The following PLD5 variants were observed in gnomAD, a reference collection of about 807,000 sequenced individuals.
PLD5 encodes the protein inactive phospholipase D5.
A neutral mutation model predicts 61.1 loss-of-function variants in PLD5; 36 were observed. That is an observed-to-expected ratio of 0.59 (90% CI 0.45 to 0.78). The LOEUF (loss-of-function observed/expected upper bound fraction) is 0.78. Ranked by LOEUF, PLD5 falls within the 30% of genes least tolerant of loss-of-function variation. The pLI is 0.00. For missense variants in PLD5, 515 were observed against 644.4 expected, an observed-to-expected ratio of 0.80 and a Z score of 2.17; for synonymous variants, 243 against 242.8, an observed-to-expected ratio of 1.00 and a Z score of -0.01.
Position 242,256,797 on chromosome 1 carries a change from T to TCTATC in PLD5, c.607+8539_607+8540insGATAG, listed in dbSNP as rs770964882. Among the ~76,000 whole-genome samples the TCTATC allele has an allele frequency of 1.7e-4, 26 of 151,008 alleles. No individual in the cohort carries two copies. Among genetic ancestry groups the TCTATC allele is most frequent in the South Asian group, 8.4e-4 (4 of 4,754 alleles). On this transcript the variant is annotated intron_variant, in intron 4 of 9. Transcript: ENST00000536534. This position sits in a 1 kb window ranked among gnomAD's most constrained non-coding sequence, Gnocchi z 5.7. ...ATCTATCTATCTATCTATCTATCTA[T>TCTATC]TAATATCTATCTTTCTATGTATCTG...
At chr1:242,495,754 G>C (rs898119527) in intron 1 of PLD5, among the ~76,000 whole-genome samples, 1 of 152,148 alleles carries the variant, frequency 6.6e-6, no homozygotes, top group Admixed American at 6.5e-5. Flanking sequence ...ACCTCATCTA[G>C]AGTTAGGCTG....
At chr1:242,342,774 G>A (rs1015404772) in intron 2 of PLD5, among the ~76,000 whole-genome samples, 37 of 152,018 alleles carry the variant, frequency 2.4e-4, no homozygotes, top group African/African-American at 8.9e-4. Flanking sequence ...GTCATTTACT[G>A]GCAAAGATCT....
intron 5 of PLD5, among the ~76,000 whole-genome samples, chr1:242,156,720 T>G (rs1405778575): frequency 6.6e-6 from 1 of 152,200 alleles, no homozygotes; most frequent in East Asian, 1.9e-4. Flanking sequence ...CAGAGAGATA[T>G]GCTGTTAGTC....
intron 2 of PLD5, among the ~76,000 whole-genome samples, chr1:242,343,780 C>CA (rs68193025): frequency 0.04 from 5,737 of 143,116 alleles, 278 homozygotes; most frequent in African/African-American, 0.12. Context: ...AAAAAAAATT[C>CA]AAAAAAAAAA....
rs187368547 is a variant in PLD5 at position 242,126,810 on chromosome 1, G to A, written c.736-2145C>T. Among the ~76,000 whole-genome samples the A allele has an allele frequency of 9.9e-5, 15 of 152,178 alleles. No individual in the cohort carries two copies. In the South Asian group the frequency reaches 2.5e-3, roughly 25 times the overall value. On this transcript the variant is annotated intron_variant, in intron 5 of 9. Coordinates refer to ENST00000536534, the MANE Select transcript of PLD5 (RefSeq NM_001372062.1). ...GCAATAAAAACAAAAATAAATAGCC[G>A]GGACTTAATTAAACTAAAGAGCTTT... is the stretch of plus-strand genomic sequence containing the variant.
At chr1:242,396,673 C>CTTTTTTTTTTTTTTTTT (rs1202041198) in intron 1 of PLD5, among the ~76,000 whole-genome samples, 1 of 129,544 alleles carries the variant, frequency 7.7e-6, no homozygotes, top group Admixed American at 8.0e-5. Context: ...CTTTTCTTTT[C>CTTTTTTTTTTTTTTTTT]TTTTTTTTTT....
intron 4 of PLD5, among the ~76,000 whole-genome samples, chr1:242,231,938 G>GAA (rs1228667295): frequency 7.8e-6 from 1 of 128,098 alleles, no homozygotes; most frequent in African/African-American, 3.4e-5. Context: ...TTTAAAATAA[G>GAA]GAAAAAAAAA....
chr1:242,459,518 C>T (rs1667048739), intron 1 of PLD5, among the ~76,000 whole-genome samples: 1 of 152,162 alleles, frequency 6.6e-6, no homozygotes, highest in African/African-American at 2.4e-5. Flanking sequence ...CAATTGTGAT[C>T]AGCGCCAAGC....
Position 242,291,577 on chromosome 1 carries a change from C to T in PLD5, c.327-3047G>A, listed in dbSNP as rs376825611. Among the ~76,000 whole-genome samples, 36 of 152,066 alleles carry T rather than the reference C, an allele frequency of 2.4e-4. No individual in the cohort carries two copies. In the South Asian group the frequency reaches 4.4e-3, roughly 18 times the overall value. ...ATCCCAGCACTTTGGGAGGCCGAGGCGGGCGGATCATGAGGTCAGGAAATT... is the reference window on the plus strand; with the variant it reads ...ATCCCAGCACTTTGGGAGGCCGAGGTGGGCGGATCATGAGGTCAGGAAATT... On this transcript the variant is annotated intron_variant, in intron 2 of 9. Transcript: ENST00000536534.
chr1:242,368,009 G>T (rs1350822993), intron 1 of PLD5, among the ~76,000 whole-genome samples: 1 of 152,164 alleles, frequency 6.6e-6, no homozygotes, highest in East Asian at 1.9e-4. Flanking sequence ...ACAAAGTCCT[G>T]TTAAAATAAT....
At chr1:242,298,655 T>G (rs1675854589) in intron 2 of PLD5, among the ~76,000 whole-genome samples, 1 of 152,144 alleles carries the variant, frequency 6.6e-6, no homozygotes, top group African/African-American at 2.4e-5. Flanking sequence ...GAAGATCAGC[T>G]TGGACTGAGA....
chr1:242,184,848 C>T (rs561513712), intron 5 of PLD5, among the ~76,000 whole-genome samples: 1 of 152,144 alleles, frequency 6.6e-6, no homozygotes, highest in African/African-American at 2.4e-5. Context: ...CTGTTTTTCC[C>T]GTAGGGGAGG....
At chr1:242,252,897 A>G (rs1481079733) in intron 4 of PLD5, among the ~76,000 whole-genome samples, 2 of 147,982 alleles carry the variant, frequency 1.4e-5, no homozygotes, top group East Asian at 4.0e-4. Context: ...GCTCACTGCA[A>G]CTTCCGCCTC....
At chr1:242,328,176 G>A (rs1246772182) in intron 2 of PLD5, among the ~76,000 whole-genome samples, 3 of 152,188 alleles carry the variant, frequency 2.0e-5, no homozygotes, top group Non-Finnish European at 4.4e-5. Flanking sequence ...TTAGGAGTGG[G>A]TGTTGGTTTT....
intron 1 of PLD5, among the ~76,000 whole-genome samples, chr1:242,509,450 T>C (rs1210460989): frequency 2.6e-5 from 4 of 152,356 alleles, no homozygotes; most frequent in Non-Finnish European, 4.4e-5. Context: ...CTGCTCATTA[T>C]TGATGTTTTG....
intron 1 of PLD5, among the ~76,000 whole-genome samples, chr1:242,486,209 A>G (rs1341195236): frequency 6.6e-6 from 1 of 152,186 alleles, no homozygotes; most frequent in Non-Finnish European, 1.5e-5. Flanking sequence ...GACAAAATTG[A>G]CAAATGGGAT....
intron 5 of PLD5, among the ~76,000 whole-genome samples, chr1:242,149,853 G>C (rs1482021329): frequency 6.6e-6 from 1 of 151,528 alleles, no homozygotes; most frequent in African/African-American, 2.4e-5. Flanking sequence ...TTTATGATTT[G>C]TGTCTTCTCT....
At chr1:242,326,477 A>G (rs1159461993) in intron 2 of PLD5, among the ~76,000 whole-genome samples, 1 of 152,052 alleles carries the variant, frequency 6.6e-6, no homozygotes, top group Non-Finnish European at 1.5e-5. Context: ...CTTTAGTCTA[A>G]TCAAAATGAG....
intron 1 of PLD5, among the ~76,000 whole-genome samples, chr1:242,450,841 G>T (rs1017812903): frequency 1.3e-5 from 2 of 152,162 alleles, no homozygotes; most frequent in African/African-American, 4.8e-5. Flanking sequence ...AGAGACATCT[G>T]GCCAAGATGT....
Sources: gnomAD v4.1 joint callset for allele counts (sites outside exome capture counted in the v4.1 genomes callset) on GRCh38, gnomAD v4.1.1 for gene constraint, Gnocchi (gnomAD v3.1) non-coding constraint, MANE v1.5 for transcripts, NCBI Gene and HGNC (gene_info 2026-07-23, HGNC 2026-07-21) for gene names.